The following TTC29 variants were observed in gnomAD, a reference collection of about 807,000 sequenced individuals.
The protein encoded by TTC29 is tetratricopeptide repeat protein 29.
Under a neutral mutation model 58.1 loss-of-function variants are expected in TTC29, and 49 were observed. The ratio of observed to expected loss-of-function variants is 0.84; its 90% CI spans 0.67 to 1.07. The LOEUF is 1.07. Among genes scored for constraint, TTC29 ranks in the 50% least tolerant of loss-of-function variants. The pLI is 0.00. For synonymous variants in TTC29, 209 were observed against 196.8 expected, an observed-to-expected ratio of 1.06 and a Z score of -0.52; for missense variants, 582 against 555.6, an observed-to-expected ratio of 1.05 and a Z score of -0.48.
chr4:146,943,809 T>C (rs1480380192), intron 2 of TTC29, among the ~76,000 whole-genome samples: 1 of 152,190 alleles, frequency 6.6e-6, no homozygotes, highest in Non-Finnish European at 1.5e-5. Flanking sequence ...AGAAAGCCTT[T>C]TGGTCTTTGT....
At chr4:146,878,029 T>C (rs1348234026) in intron 6 of TTC29, among the ~76,000 whole-genome samples, 2 of 152,012 alleles carry the variant, frequency 1.3e-5, no homozygotes, top group Non-Finnish European at 2.9e-5. Context: ...TGTGTCTTCG[T>C]ATTCCTTATC....
intron 10 of TTC29, 57 bp from the exon 11 acceptor site, chr4:146,803,742 A>C: frequency 7.2e-7 from 1 of 1,394,978 alleles, no homozygotes; most frequent in Non-Finnish European, 9.6e-7. Context: ...CATTTCACAT[A>C]TTTTCTGACC....
chr4:146,923,962 T>C (rs776453916), intron 4 of TTC29, among the ~76,000 whole-genome samples: 1 of 149,164 alleles, frequency 6.7e-6, no homozygotes, highest in Non-Finnish European at 1.5e-5. Context: ...TGTATGTGTA[T>C]AGGTATATGC....
At chr4:146,852,013 G>A (rs1346066814) in intron 8 of TTC29, among the ~76,000 whole-genome samples, 1 of 152,098 alleles carries the variant, frequency 6.6e-6, no homozygotes, top group Non-Finnish European at 1.5e-5. Flanking sequence ...TCAGCTCACT[G>A]CAACCTCCAC....
rs556151228 is a variant in TTC29 at position 146,852,827 on chromosome 4, T to C, written c.885+14671A>G. ...TTACCATTTTTGATCATAGGGACTT[T>C]GGACAAAATTACTCAGGATTTCGGA... On this transcript the variant is annotated intron_variant, in intron 8 of 12. Coordinates refer to ENST00000325106, the MANE Select transcript of TTC29 (RefSeq NM_031956.4). 9.8e-5 allele frequency among the ~76,000 whole-genome samples: 15 copies of C among 152,354 alleles called. 1 individual carries two copies. The South Asian group carries it at 2.5e-3, about 25-fold the overall frequency.
At chr4:146,754,164 G>T (rs967229570) in intron 11 of TTC29, among the ~76,000 whole-genome samples, 4 of 151,164 alleles carry the variant, frequency 2.6e-5, no homozygotes, top group Non-Finnish European at 5.9e-5. Context: ...TATAACAGAT[G>T]CCTCAGAAAT....
intron 8 of TTC29, among the ~76,000 whole-genome samples, chr4:146,857,421 G>C (rs1729937556): frequency 6.6e-6 from 1 of 152,058 alleles, no homozygotes; most frequent in Non-Finnish European, 1.5e-5. Flanking sequence ...CAGGACAAAA[G>C]GATAAAGCAG....
chr4:146,739,748 C>A (rs1363767060), intron 11 of TTC29, among the ~76,000 whole-genome samples: 1 of 152,106 alleles, frequency 6.6e-6, no homozygotes, highest in African/African-American at 2.4e-5. Context: ...CCACTTTTGA[C>A]CAATAAATGT....
intron 7 of TTC29, among the ~76,000 whole-genome samples, chr4:146,874,488 C>T (rs60483316): frequency 0.021 from 3,238 of 152,172 alleles, 128 homozygotes; most frequent in African/African-American, 0.072. Flanking sequence ...CTACCCCCAG[C>T]GGATTGTAAT....
At chr4:146,858,730 G>T (rs547382018) in intron 8 of TTC29, among the ~76,000 whole-genome samples, 3 of 152,290 alleles carry the variant, frequency 2.0e-5, no homozygotes, top group African/African-American at 7.2e-5. Flanking sequence ...TCACAAGGCT[G>T]TCCTGAGTTA....
intron 4 of TTC29, among the ~76,000 whole-genome samples, chr4:146,928,874 A>C (rs1735118714): frequency 6.6e-6 from 1 of 152,176 alleles, no homozygotes; most frequent in Admixed American, 6.6e-5. Context: ...ATTTCCCTGC[A>C]TAAAATGAGC....
Position 146,899,287 on chromosome 4 carries a change from C to T in TTC29, c.586+4257G>A, listed in dbSNP as rs192010221. Among the ~76,000 whole-genome samples, 14 of 152,278 alleles carry T rather than the reference C, an allele frequency of 9.2e-5. No homozygotes were observed. In the South Asian group the frequency reaches 1.0e-3, roughly 11 times the overall value. ...GTGTTTCCCCAGTCATGTCTGGCCC[C>T]GATAGACCTCTGTGTGCAGCTCTAG... On this transcript the variant is annotated intron_variant, in intron 6 of 12. Coordinates refer to ENST00000325106, the MANE Select transcript of TTC29 (RefSeq NM_031956.4).
At chr4:146,937,743 A>C (rs1372075157) in intron 3 of TTC29, 66 bp from the exon 4 acceptor site, 1 of 869,848 alleles carries the variant, frequency 1.1e-6, no homozygotes, top group Non-Finnish European at 1.8e-6. Context: ...CAAACACATA[A>C]AATGCCACCA....
intron 10 of TTC29, among the ~76,000 whole-genome samples, chr4:146,806,737 G>A (rs1750648405): frequency 6.6e-6 from 1 of 151,984 alleles, no homozygotes; most frequent in African/African-American, 2.4e-5. Flanking sequence ...GATGAATAAG[G>A]CAAGTTCTTA....
intron 4 of TTC29, among the ~76,000 whole-genome samples, chr4:146,935,707 G>T (rs2150327351): frequency 6.6e-6 from 1 of 152,232 alleles, no homozygotes; most frequent in South Asian, 2.1e-4. Flanking sequence ...GCTCCAGGAT[G>T]GGGCCAAGTA....
At chr4:146,855,842 A>G (rs1729809467) in intron 8 of TTC29, among the ~76,000 whole-genome samples, 1 of 152,204 alleles carries the variant, frequency 6.6e-6, no homozygotes. Context: ...TAAATTTGTA[A>G]TGATGAAGTA....
chr4:146,796,639 T>C (rs1371262975), intron 11 of TTC29, among the ~76,000 whole-genome samples: 1 of 152,218 alleles, frequency 6.6e-6, no homozygotes, highest in Non-Finnish European at 1.5e-5. Context: ...CAAATTTCTC[T>C]GTTTTAAAGC....
chr4:146,934,173 G>A (rs1265758275), intron 4 of TTC29: 1 of 152,306 alleles, frequency 6.6e-6, no homozygotes, highest in Non-Finnish European at 1.5e-5. Context: ...GAGTGTGGTG[G>A]AGTGAGAGTG....
At chr4:146,790,657 G>A (rs1011919478) in intron 11 of TTC29, among the ~76,000 whole-genome samples, 1 of 152,196 alleles carries the variant, frequency 6.6e-6, no homozygotes, top group African/African-American at 2.4e-5. Flanking sequence ...CACTGTAGGT[G>A]TTGAAAAGCC....
Sources: allele counts gnomAD v4.1 joint callset (sites outside exome capture counted in the v4.1 genomes callset), GRCh38; gene constraint gnomAD v4.1.1; transcripts MANE v1.5; gene names NCBI Gene and HGNC (gene_info 2026-07-23, HGNC 2026-07-21).